SDCCAG8: variants seen among roughly 807,000 people sequenced by gnomAD.
SDCCAG8 encodes serologically defined colon cancer antigen 8.
In SDCCAG8, 74 loss-of-function variants were observed where a neutral mutation model predicts 101.8. That is an observed-to-expected ratio of 0.73 (90% CI 0.60 to 0.88). The LOEUF (loss-of-function observed/expected upper bound fraction) is 0.88, where lower values mean the gene tolerates loss of function less well. Among genes scored for constraint, SDCCAG8 ranks in the 40% least tolerant of loss-of-function variants. The pLI is 0.00. For synonymous variants in SDCCAG8, 281 were observed against 292.9 expected, an observed-to-expected ratio of 0.96 and a Z score of 0.41; for missense variants, 787 against 822.6, an observed-to-expected ratio of 0.96 and a Z score of 0.53.
At chr1:243,284,439 C>T (rs567486207) in intron 4 of SDCCAG8, among the ~76,000 whole-genome samples, 12 of 152,224 alleles carry the variant, frequency 7.9e-5, no homozygotes, top group East Asian at 5.8e-4. Context: ...GTGATGTGGT[C>T]GTTAGATGTG....
In SDCCAG8 at chr1:243,319,022, A is replaced by G. The variant is rs372983090; in HGVS notation, c.1068+2129A>G. Among the ~76,000 whole-genome samples the G allele has an allele frequency of 8.5e-5, 13 of 152,226 alleles. No homozygotes were observed. In the East Asian group the frequency reaches 1.9e-3, roughly 23 times the overall value. ...CATGGTGCCAACATATGCTTCTGGT[A>G]AGGCCTCAGGAAGATTTCACTCTGA... On this transcript the variant is annotated intron_variant, in intron 9 of 17. Coordinates refer to ENST00000366541, the MANE Select transcript of SDCCAG8 (RefSeq NM_006642.5).
intron 10 of SDCCAG8, among the ~76,000 whole-genome samples, chr1:243,336,724 G>A (rs991478174): frequency 1.1e-4 from 16 of 152,264 alleles, no homozygotes; most frequent in African/African-American, 3.1e-4. Flanking sequence ...GTTGGGCGGG[G>A]GCAGAAGTCC....
intron 16 of SDCCAG8, among the ~76,000 whole-genome samples, chr1:243,481,305 C>G (rs1342473568): frequency 6.6e-6 from 1 of 152,100 alleles, no homozygotes; most frequent in Middle Eastern, 3.2e-3. Context: ...AGTGATGAGT[C>G]GCACTGTGGG....
chr1:243,333,023 CAG>C (rs1280270647), intron 10 of SDCCAG8, among the ~76,000 whole-genome samples: 3 of 152,238 alleles, frequency 2.0e-5, no homozygotes. Context: ...TTATTCTCAG[CAG>C]AGAGCCTTAC....
chr1:243,370,011 G>A (rs1233893005), intron 12 of SDCCAG8, among the ~76,000 whole-genome samples: 1 of 151,792 alleles, frequency 6.6e-6, no homozygotes, highest in African/African-American at 2.4e-5. Flanking sequence ...TACTCTTGGC[G>A]ATATTCACAT....
At chr1:243,310,325 G>T (rs1194882135) in intron 8 of SDCCAG8, among the ~76,000 whole-genome samples, 7 of 152,002 alleles carry the variant, frequency 4.6e-5, no homozygotes, top group Non-Finnish European at 1.0e-4. Flanking sequence ...TTTATTATAT[G>T]TCAACGACTG....
intron 13 of SDCCAG8, among the ~76,000 whole-genome samples, chr1:243,394,228 A>G (rs2078899351): frequency 6.6e-6 from 1 of 152,202 alleles, no homozygotes; most frequent in African/African-American, 2.4e-5. Flanking sequence ...GATTTGAAAT[A>G]GGTGGTATAA....
intron 13 of SDCCAG8, among the ~76,000 whole-genome samples, chr1:243,401,589 A>G (rs1375367348): frequency 6.6e-6 from 1 of 152,248 alleles, no homozygotes; most frequent in Non-Finnish European, 1.5e-5. Context: ...ATTAGGAAGG[A>G]GTCTGTGACC....
At chr1:243,442,044 A>G (rs1313446668) in intron 16 of SDCCAG8, among the ~76,000 whole-genome samples, 2 of 152,198 alleles carry the variant, frequency 1.3e-5, no homozygotes, top group African/African-American at 2.4e-5. Context: ...TTATAATAAA[A>G]CTTCGTATTT....
intron 10 of SDCCAG8, among the ~76,000 whole-genome samples, chr1:243,336,645 T>C (rs2783966): frequency 0.49 from 75,059 of 151,852 alleles, 19,699 homozygotes; most frequent in East Asian, 0.74. Context: ...AGGGGGAAAC[T>C]GCCCCGACGA....
chr1:243,280,881 G>C (rs901185984), intron 4 of SDCCAG8, among the ~76,000 whole-genome samples: 1 of 152,222 alleles, frequency 6.6e-6, no homozygotes, highest in Non-Finnish European at 1.5e-5. Context: ...GTGTACTGCT[G>C]TTCTTGGATG....
intron 12 of SDCCAG8, among the ~76,000 whole-genome samples, chr1:243,351,707 A>G (rs1036689926): frequency 3.3e-5 from 5 of 152,234 alleles, no homozygotes; most frequent in Non-Finnish European, 7.3e-5. Context: ...GTCCTGGATG[A>G]TGCTTGAATG....
At chr1:243,259,216 A>G (rs2067001324) in intron 1 of SDCCAG8, among the ~76,000 whole-genome samples, 1 of 151,216 alleles carries the variant, frequency 6.6e-6, no homozygotes, top group African/African-American at 2.4e-5. Flanking sequence ...CCTGGCTAAC[A>G]CGGTGAAACC....
At chr1:243,306,084 T>TA (rs67568926) in intron 7 of SDCCAG8, 43,050 of 107,264 alleles carry the variant, frequency 0.4, 9,602 homozygotes, top group East Asian at 0.65. Flanking sequence ...AGACTCCATC[T>TA]AAAAAAAAAA....
chr1:243,366,254 T>C (rs1418555422), intron 12 of SDCCAG8, among the ~76,000 whole-genome samples: 1 of 152,008 alleles, frequency 6.6e-6, no homozygotes, highest in East Asian at 1.9e-4. Context: ...ATCTGTATCT[T>C]ATTTGAAAGT....
rs1558210548 is a variant in SDCCAG8, at chr1:243,270,130, AC to A, written c.94del (p.Leu32Ter). On this transcript the variant is annotated frameshift_variant, in exon 2 of 18. Transcript: ENST00000366541. LOFTEE classifies it high-confidence loss of function. Reference sequence around the variant, plus strand: ...AACATGCCAGCAGAAGCATTCACCAACTGACATGTGCCCTGAAAGAAGGCGA... The same window carrying A: ...AACATGCCAGCAGAAGCATTCACCAATGACATGTGCCCTGAAAGAAGGCGA... ...REHASRSIHQ[L>X]TCALKEGDVT... 1.2e-6 allele frequency: 2 copies of A among 1,614,196 alleles called. No individual in the cohort carries two copies. Among genetic ancestry groups the A allele is most frequent in the Admixed American group, 3.3e-5 (2 of 60,016 alleles).
At chr1:243,275,866 T>G (rs1293908514) in intron 4 of SDCCAG8, among the ~76,000 whole-genome samples, 8 of 134,842 alleles carry the variant, frequency 5.9e-5, no homozygotes, top group African/African-American at 2.0e-4. Context: ...GTTTTTTTTT[T>G]TTTTTTTTTT....
intron 9 of SDCCAG8, chr1:243,317,921 C>T (rs2073404224): frequency 2.5e-6 from 1 of 395,532 alleles, no homozygotes; most frequent in African/African-American, 2.1e-5. Flanking sequence ...CTGGTCTAAA[C>T]CATATATGAA....
intron 4 of SDCCAG8, among the ~76,000 whole-genome samples, chr1:243,283,099 C>T (rs925405181): frequency 2.6e-4 from 39 of 152,134 alleles, no homozygotes; most frequent in Non-Finnish European, 4.3e-4. Flanking sequence ...CCGCCTGCCT[C>T]GGCCTTCCAA....
Sources: allele counts gnomAD v4.1 joint callset (sites outside exome capture counted in the v4.1 genomes callset), GRCh38; gene constraint gnomAD v4.1.1; transcripts MANE v1.5; gene names NCBI Gene and HGNC (gene_info 2026-07-23, HGNC 2026-07-21).